Variants in REXO1 observed in about 807,000 individuals in gnomAD.
REXO1 encodes the protein RNA exonuclease 1 homolog, also known as REX1, RNA exonuclease 1 homolog.
Under a neutral mutation model 102.6 loss-of-function variants are expected in REXO1, and 42 were observed. That is an observed-to-expected ratio of 0.41 (90% CI 0.32 to 0.53). The LOEUF (loss-of-function observed/expected upper bound fraction) is 0.53. Ranked by LOEUF, REXO1 falls within the 20% of genes least tolerant of loss-of-function variation. The pLI is 0.27. For synonymous variants in REXO1, 908 were observed against 779.1 expected (o/e 1.17, Z -2.76); for missense variants, 1,819 against 1,732.5 (o/e 1.05, Z -0.89).
chr19:1,825,696 G>C (rs1284602070), intron 3 of REXO1, 143 bp downstream of exon 3: 2 of 602,570 alleles, frequency 3.3e-6, no homozygotes, highest in East Asian at 2.9e-5. Context: ...GGCTGGTCTC[G>C]AACTCCTGGC....
intron 1 of REXO1, among the ~76,000 whole-genome samples, chr19:1,837,043 G>A (rs897177034): frequency 1.3e-5 from 2 of 152,250 alleles, no homozygotes; most frequent in South Asian, 4.1e-4. Context: ...GCGGCCTGAG[G>A]CTTTGAAGGT....
chr19:1,848,217 C>T lies in REXO1; in HGVS notation c.142G>A (p.Ala48Thr). The T allele has an allele frequency of 2.5e-6, 3 of 1,223,986 alleles. No homozygotes were observed. Among genetic ancestry groups the T allele is most frequent in the East Asian group, 3.2e-5 (1 of 30,806 alleles). The allele number at this position is 1,223,986 out of a possible 1,614,324, so 75.8% of individuals were successfully genotyped here. ...CGGGCATTACCTGCTGCGGGGGGCG[C>T]CTCTCCGCCGTCACCGGGCGCGCCG... ...GSGAPGDGGE[A>T]PPAAGLGYDP... The change falls in exon 1 of 16, where the codon GCG (alanine) becomes ACG (threonine). Residue 48 changes from alanine (A) to threonine (T), a missense_variant. Coordinates refer to ENST00000170168, the MANE Select transcript of REXO1 (RefSeq NM_020695.4).
chr19:1,815,732 G>T lies in REXO1; in HGVS notation c.*334C>A, dbSNP rs1219719819. The T allele has an allele frequency of 7.1e-7, 1 of 1,398,918 alleles. No individual in the cohort carries two copies. Among genetic ancestry groups the T allele is most frequent in the East Asian group, 2.7e-5 (1 of 36,448 alleles). 86.7% of individuals were successfully genotyped at this position (1,398,918 alleles called of 1,614,324 possible). On this transcript the variant is annotated 3_prime_UTR_variant, in exon 16 of 16. Coordinates refer to ENST00000170168, the MANE Select transcript of REXO1 (RefSeq NM_020695.4). The surrounding 1 kb of genome is among the most constrained non-coding windows in gnomAD (Gnocchi z 4.0). ...CGCGACCCACGTGAGGAGCAGAGGT[G>T]CCGGCCACCACCCGGGAGGGAGGGC...
intron 1 of REXO1, among the ~76,000 whole-genome samples, chr19:1,842,121 G>C (rs887265553): frequency 4.0e-5 from 6 of 149,512 alleles, no homozygotes; most frequent in Non-Finnish European, 7.4e-5. Context: ...TGAGGCAGAA[G>C]AATCACTTGA....
chr19:1,817,287 C>G lies in REXO1; in HGVS notation c.3133G>C (p.Val1045Leu), dbSNP rs775342592. The change falls in exon 12 of 16, where the codon GTG becomes CTG. Residue 1045 changes from valine to leucine, a missense_variant. By Grantham distance (32) the Val-to-Leu change is conservative. Coordinates refer to ENST00000170168, the MANE Select transcript of REXO1 (RefSeq NM_020695.4). ...DGRKERLEGFVKTFEKELSGD... is the reference protein window; with the variant it reads ...DGRKERLEGFLKTFEKELSGD... ...GAGAGCTCTTTCTCAAAGGTCTTCA[C>G]GAAGCCCTCAAGGCGCTCCTTCCGG... The G allele has an allele frequency of 6.2e-7, 1 of 1,613,108 alleles. No individual in the cohort carries two copies. Among genetic ancestry groups the G allele is most frequent in the African/African-American group, 1.3e-5 (1 of 75,048 alleles).
chr19:1,832,199 T>A (rs527249574), intron 1 of REXO1, among the ~76,000 whole-genome samples: 141 of 152,294 alleles, frequency 9.3e-4, no homozygotes, highest in Non-Finnish European at 1.5e-3. Context: ...GGGATGCAGG[T>A]GCCTCCAGAT....
rs759949677 is a variant in REXO1 at position 1,821,487 on chromosome 19, G to T, written c.2394+32C>A. On this transcript the variant is annotated intron_variant, in intron 5 of 15. Transcript: ENST00000170168. ...CGGGCCTCAGGGCGTGGTCTTGGGG[G>T]TGGTGGTCCTGGCCGAGATGGGAGG... 3.1e-6 allele frequency: 5 copies of T among 1,612,790 alleles called. No individual in the cohort carries two copies. In the South Asian group the frequency reaches 5.5e-5, roughly 18 times the overall value.
In REXO1 at chr19:1,828,750, G is replaced by A. The variant is rs528797064; in HGVS notation, c.158-119C>T. 201 of 1,290,638 alleles carry A rather than the reference G, an allele frequency of 1.6e-4. 2 individuals are homozygous for A. The South Asian group carries it at 2.6e-3, about 17-fold the overall frequency. The allele number at this position is 1,290,638 out of a possible 1,614,324, so 79.9% of individuals were successfully genotyped here. A position where few individuals can be genotyped will look rare whatever the true frequency, so the allele number is the denominator to read the frequency against. On this transcript the variant is annotated intron_variant, in intron 1 of 15. Coordinates refer to ENST00000170168, the MANE Select transcript of REXO1 (RefSeq NM_020695.4). ...GAGACCTGCCTCCGAAACCCACCAC[G>A]CACTGGCGCCCGCCAAGGCTCTGGG...
intron 1 of REXO1, among the ~76,000 whole-genome samples, chr19:1,835,987 G>A (rs568840879): frequency 1.2e-4 from 18 of 152,210 alleles, no homozygotes; most frequent in Non-Finnish European, 2.4e-4. Flanking sequence ...GCCCCGGGAC[G>A]GGCTGGATGA....
chr19:1,834,063 G>A (rs945838954), intron 1 of REXO1, among the ~76,000 whole-genome samples: 1 of 152,138 alleles, frequency 6.6e-6, no homozygotes, highest in Non-Finnish European at 1.5e-5. Context: ...ATCTCTAAGG[G>A]GCTAAGGATA....
intron 1 of REXO1, 75 bp downstream of exon 1, chr19:1,848,127 C>T (rs1470658384): frequency 6.6e-6 from 5 of 758,712 alleles, no homozygotes; most frequent in Non-Finnish European, 8.9e-6. Context: ...AACGGGGACC[C>T]CGGGCGGGAC....
At chr19:1,842,864 G>A (rs1235542951) in intron 1 of REXO1, among the ~76,000 whole-genome samples, 5 of 152,248 alleles carry the variant, frequency 3.3e-5, no homozygotes, top group African/African-American at 1.2e-4. Flanking sequence ...ACCTTCAAAA[G>A]TAAAGCACCC....
chr19:1,827,620 T>C lies in REXO1; in HGVS notation c.1169A>G (p.Lys390Arg). Reference sequence around the variant, plus strand: ...CTTGTCCTTCCCCTGGGCCCCGTCTTTGCAGCTGGGGGCAGGTGGGGCCCC... The same window carrying C: ...CTTGTCCTTCCCCTGGGCCCCGTCTCTGCAGCTGGGGGCAGGTGGGGCCCC... ...KTGAPPAPSCKDGAQGKDKTK... is the reference protein window; with the variant it reads ...KTGAPPAPSCRDGAQGKDKTK... The change falls in exon 2 of 16, where the codon AAA becomes AGA. Residue 390 changes from lysine (K) to arginine (R), a missense_variant. Transcript: ENST00000170168. 1 of 1,577,976 alleles carries C rather than the reference T, an allele frequency of 6.3e-7. No homozygotes were observed. Among genetic ancestry groups the C allele is most frequent in the South Asian group, 1.2e-5 (1 of 86,144 alleles).
intron 1 of REXO1, among the ~76,000 whole-genome samples, chr19:1,833,099 C>G (rs371882685): frequency 1.2e-3 from 182 of 152,136 alleles, no homozygotes; most frequent in African/African-American, 4.3e-3. Context: ...TGGTTGCATG[C>G]CTGTGGTCCC....
At chr19:1,838,132 C>A (rs1412427980) in intron 1 of REXO1, among the ~76,000 whole-genome samples, 3 of 152,062 alleles carry the variant, frequency 2.0e-5, no homozygotes, top group African/African-American at 7.2e-5. Context: ...CCAGCCTGGC[C>A]AACATGGGGA....
chr19:1,828,204 A>G lies in REXO1; in HGVS notation c.585T>C (p.Gly195=), dbSNP rs138182760. 3.2e-4 allele frequency: 509 copies of G among 1,604,904 alleles called. No individual in the cohort carries two copies. The highest frequency in any genetic ancestry group is 4.2e-4 in the Non-Finnish European group (493 of 1,176,894). Reference sequence around the variant, plus strand: ...TGGGGACGTATTCCAGGGCACCGCCACCCCCTCCACCTCTGCCCTGACCCC... The same window carrying G: ...TGGGGACGTATTCCAGGGCACCGCCGCCCCCTCCACCTCTGCCCTGACCCC... ...LDRGQGRGGG[G]GGALEYVPKA... The change falls in exon 2 of 16, where the codon GGT becomes GGC. Residue 195 remains glycine, a synonymous_variant. Transcript: ENST00000170168.
intron 1 of REXO1, among the ~76,000 whole-genome samples, chr19:1,835,851 C>T (rs868846663): frequency 6.6e-6 from 1 of 152,208 alleles, no homozygotes; most frequent in Non-Finnish European, 1.5e-5. Flanking sequence ...GGCTGGCTAT[C>T]TTCCCCAGCC....
chr19:1,815,882 TG>T lies in REXO1; in HGVS notation c.*183del. On this transcript the variant is annotated 3_prime_UTR_variant, in exon 16 of 16. Transcript: ENST00000170168. This position sits in a 1 kb window ranked among gnomAD's most constrained non-coding sequence, Gnocchi z 4.0. ...CAGAGGGTGGGGACCGGCGGAGGGGTGCGGCAGGACGTGAGCGGGGGTGGGC... is the reference window on the plus strand; with the variant it reads ...CAGAGGGTGGGGACCGGCGGAGGGGTCGGCAGGACGTGAGCGGGGGTGGGC... 2 of 1,342,402 alleles carry T rather than the reference TG, an allele frequency of 1.5e-6. No individual in the cohort carries two copies. Among genetic ancestry groups the T allele is most frequent in the South Asian group, 2.6e-5 (2 of 77,618 alleles). 83.2% of individuals were successfully genotyped at this position (1,342,402 alleles called of 1,614,324 possible).
intron 1 of REXO1, among the ~76,000 whole-genome samples, chr19:1,833,128 G>C (rs1029091527): frequency 6.6e-6 from 1 of 152,174 alleles, no homozygotes; most frequent in African/African-American, 2.4e-5. Flanking sequence ...GGAAGGCTGA[G>C]GTGGGAGGAT....
Sources: allele counts gnomAD v4.1 joint callset (sites outside exome capture counted in the v4.1 genomes callset), GRCh38; gene constraint gnomAD v4.1.1; non-coding constraint Gnocchi (gnomAD v3.1); transcripts MANE v1.5; gene names NCBI Gene and HGNC (gene_info 2026-07-23, HGNC 2026-07-21).